PPM1B: variants seen among roughly 807,000 people sequenced by gnomAD.
The protein encoded by PPM1B is protein phosphatase, Mg2+/Mn2+ dependent 1B, also known as protein phosphatase 1B.
In PPM1B, 22 loss-of-function variants were observed where a neutral mutation model predicts 43.0. The observed-to-expected ratio is 0.51, with a 90% confidence interval of 0.37 to 0.73. PPM1B has a LOEUF of 0.73. Ranked by LOEUF, PPM1B falls within the 30% of genes least tolerant of loss-of-function variation. The probability of loss-of-function intolerance (pLI) is 0.00; values close to 1 mark genes in which losing one functional copy is unlikely to be tolerated. For synonymous variants in PPM1B, 217 were observed against 197.9 expected, an observed-to-expected ratio of 1.10 and a Z score of -0.81; for missense variants, 632 against 584.2, an observed-to-expected ratio of 1.08 and a Z score of -0.84.
chr2:44,206,565 A>G (rs998131457), intron 2 of PPM1B, among the ~76,000 whole-genome samples: 10 of 152,254 alleles, frequency 6.6e-5, no homozygotes, highest in Non-Finnish European at 1.0e-4. Flanking sequence ...TATAACTTAC[A>G]AAAATCGAAT....
intron 5 of PPM1B, among the ~76,000 whole-genome samples, chr2:44,228,219 A>G (rs748023836): frequency 2.4e-3 from 290 of 120,006 alleles, no homozygotes; most frequent in African/African-American, 9.1e-3. Context: ...AGAGGGTCTC[A>G]CTCTGTCGTT....
intron 5 of PPM1B, among the ~76,000 whole-genome samples, chr2:44,224,284 C>T (rs1670113238): frequency 6.6e-6 from 1 of 151,742 alleles, no homozygotes; most frequent in African/African-American, 2.4e-5. Flanking sequence ...TGATACCCTG[C>T]CTCTACTAAA....
In PPM1B at chr2:44,218,065, G is replaced by GTAA; in HGVS notation, c.1063_1064insTAA (p.Gly355delinsValSer). On this transcript the variant is annotated protein_altering_variant, in exon 4 of 6. Coordinates refer to ENST00000282412, the MANE Select transcript of PPM1B (RefSeq NM_002706.6). ...TATCCCAAATTTGCCTCCTGGGGGA[G>GTAA]GTCTTGCTGGCAAGTAAGTAGAACA... is the stretch of plus-strand genomic sequence containing the variant. The GTAA allele has an allele frequency of 6.2e-7, 1 of 1,611,258 alleles. No individual in the cohort carries two copies. Among genetic ancestry groups the GTAA allele is most frequent in the Non-Finnish European group, 8.5e-7 (1 of 1,178,434 alleles).
At chr2:44,182,833 A>T (rs1172099331) in intron 1 of PPM1B, among the ~76,000 whole-genome samples, 1 of 151,826 alleles carries the variant, frequency 6.6e-6, no homozygotes, top group Non-Finnish European at 1.5e-5. Context: ...GTATGTGTGG[A>T]TTTTTTTGTA....
chr2:44,190,964 TTAACA>T (rs1668378874), intron 1 of PPM1B, among the ~76,000 whole-genome samples: 1 of 152,214 alleles, frequency 6.6e-6, no homozygotes, highest in African/African-American at 2.4e-5. Context: ...TTTTTGCTTC[TTAACA>T]TAAGGATCCA....
At position 44,230,646 on chromosome 2, in the gene PPM1B, A is replaced by C; in HGVS notation, c.1368A>C (p.Ser456=). The stretch of plus-strand genomic sequence containing the variant: ...CAATGCAGGAAAGCCATACTGAATC[A>C]GAAAGTGGTCTTGCTGAATTAGACA... The part of the protein sequence containing the change: ...PVTMQESHTE[S]ESGLAELDSS... The change falls in exon 6 of 6, where the codon TCA becomes TCC. Residue 456 remains serine (S), a synonymous_variant. Transcript: ENST00000282412. 2 of 1,614,218 alleles carry C rather than the reference A, an allele frequency of 1.2e-6. No individual in the cohort carries two copies. The highest frequency in any genetic ancestry group is 1.7e-6 in the Non-Finnish European group (2 of 1,180,020).
chr2:44,177,010 C>T (rs1482230271), intron 1 of PPM1B, among the ~76,000 whole-genome samples: 1 of 152,146 alleles, frequency 6.6e-6, no homozygotes, highest in Non-Finnish European at 1.5e-5. Context: ...AAACTCCTGA[C>T]CTCAGGTGAT....
intron 1 of PPM1B, among the ~76,000 whole-genome samples, chr2:44,170,362 A>C (rs753111674): frequency 7.2e-5 from 11 of 152,380 alleles, no homozygotes; most frequent in South Asian, 4.1e-4. Context: ...GTTGGCAGGC[A>C]TGTTGTAAAA....
intron 5 of PPM1B, among the ~76,000 whole-genome samples, chr2:44,226,417 A>G (rs541750670): frequency 6.6e-6 from 1 of 152,304 alleles, no homozygotes; most frequent in South Asian, 2.1e-4. Flanking sequence ...ATTGACCCAA[A>G]TACGACAAAT....
At chr2:44,241,497 C>A (rs1318375289) in intron 5 of PPM1B, among the ~76,000 whole-genome samples, 1 of 143,142 alleles carries the variant, frequency 7.0e-6, no homozygotes, top group Non-Finnish European at 1.6e-5. Flanking sequence ...TATGGGAGGG[C>A]CACCTGGAGA....
At chr2:44,238,328 A>G (rs1313917172), downstream of PPM1B, among the ~76,000 whole-genome samples, 2 of 152,198 alleles carry the variant, frequency 1.3e-5, no homozygotes, top group Admixed American at 6.5e-5. Context: ...TTAAATATTT[A>G]ATATTTGCTA....
At chr2:44,205,380 T>TGTGTGTAA (rs3841859) in intron 2 of PPM1B, among the ~76,000 whole-genome samples, 10 of 150,522 alleles carry the variant, frequency 6.6e-5, no homozygotes, top group African/African-American at 2.2e-4. Context: ...TGTGTGTGTG[T>TGTGTGTAA]AAGTGTCTGT....
Position 44,169,148 on chromosome 2 carries a change from G to GGCGGAGGCC in PPM1B, c.-137_-136insAGGCCGCGG. On this transcript the variant is annotated 5_prime_UTR_variant, in exon 1 of 6. Coordinates refer to ENST00000282412, the MANE Select transcript of PPM1B (RefSeq NM_002706.6). ...GGGCGGTGTAAACAGCCCCGGAGGC[G>GGCGGAGGCC]GCGGTCGAGACCCCGAGGGGGAAGC... 1 of 173,858 alleles carries GGCGGAGGCC rather than the reference G, an allele frequency of 5.8e-6. No individual in the cohort carries two copies. The highest frequency in any genetic ancestry group is 1.2e-5 in the Non-Finnish European group (1 of 81,062). 10.8% of individuals were successfully genotyped at this position (173,858 alleles called of 1,614,324 possible). A position where few individuals can be genotyped will look rare whatever the true frequency, so the allele number is the denominator to read the frequency against.
At position 44,169,060 on chromosome 2, in the gene PPM1B, A is replaced by C. The variant is rs1338859612; in HGVS notation, c.-229A>C. On this transcript the variant is annotated 5_prime_UTR_variant, in exon 1 of 6. Transcript: ENST00000282412. ...GCGGCGGAGGAGGTGGCGGCGGCCG[A>C]ATCGGCAACGGCGCTAGGGTGGAGA... The C allele has an allele frequency of 6.0e-6, 1 of 167,610 alleles. No individual in the cohort carries two copies. The highest frequency in any genetic ancestry group is 1.3e-5 in the Non-Finnish European group (1 of 77,846). 10.4% of individuals were successfully genotyped at this position (167,610 alleles called of 1,614,324 possible).
chr2:44,194,271 A>T (rs1264809723), intron 1 of PPM1B, among the ~76,000 whole-genome samples: 3 of 152,288 alleles, frequency 2.0e-5, no homozygotes, highest in East Asian at 3.9e-4. Flanking sequence ...GTCATTTGAT[A>T]GGCCTCGCTG....
intron 1 of PPM1B, among the ~76,000 whole-genome samples, chr2:44,198,759 T>G (rs925557125): frequency 6.6e-6 from 1 of 152,308 alleles, no homozygotes; most frequent in South Asian, 2.1e-4. Flanking sequence ...ACCAGACCTA[T>G]GTGCAGTCTG....
At position 44,221,252 on chromosome 2, in the gene PPM1B, T is replaced by A. The variant is rs188499210; in HGVS notation, c.1134+2715T>A. ...CCTTGTTTACTGTGAAAACTGACTT[T>A]ACAGCCTAGAATTTTAAATGGGGAA... is the stretch of plus-strand genomic sequence containing the variant. On this transcript the variant is annotated intron_variant, in intron 5 of 5. Transcript: ENST00000282412. 3.0e-3 allele frequency among the ~76,000 whole-genome samples: 454 copies of A among 152,334 alleles called. 2 individuals carry two copies. The highest frequency in any genetic ancestry group is 0.011 in the African/African-American group (441 of 41,576).
intron 5 of PPM1B, among the ~76,000 whole-genome samples, chr2:44,221,653 A>G (rs935523264): frequency 3.9e-5 from 6 of 152,206 alleles, no homozygotes; most frequent in Non-Finnish European, 7.3e-5. Context: ...GAGTTAAATC[A>G]GAGGGTTTCT....
chr2:44,245,009 A>C (rs1466935733), downstream of PPM1B, among the ~76,000 whole-genome samples: 2 of 151,922 alleles, frequency 1.3e-5, no homozygotes, highest in African/African-American at 4.8e-5. Flanking sequence ...TAAACTAATG[A>C]AATGTCTTTC....
Sources: gnomAD v4.1 joint callset for allele counts (sites outside exome capture counted in the v4.1 genomes callset) on GRCh38, gnomAD v4.1.1 for gene constraint, MANE v1.5 for transcripts, NCBI Gene and HGNC (gene_info 2026-07-23, HGNC 2026-07-21) for gene names.